PHF20: variants seen among roughly 807,000 people sequenced by gnomAD.
The protein encoded by PHF20 is PHD finger protein 20.
A neutral mutation model predicts 113.5 loss-of-function variants in PHF20; 23 were observed. The ratio of observed to expected loss-of-function variants is 0.20; its 90% CI spans 0.15 to 0.29. PHF20 has a LOEUF of 0.29. Ranked by LOEUF, PHF20 falls within the 10% of genes least tolerant of loss-of-function variation. The pLI, the probability that PHF20 is intolerant of heterozygous loss-of-function variation, is 1.00. For missense variants in PHF20, 943 were observed against 1,219.6 expected, an observed-to-expected ratio of 0.77 and a Z score of 3.38; for synonymous variants, 434 against 457.3, an observed-to-expected ratio of 0.95 and a Z score of 0.65.
At chr20:35,868,457 A>T (rs909796260) in intron 6 of PHF20, among the ~76,000 whole-genome samples, 17 of 148,426 alleles carry the variant, frequency 1.1e-4, no homozygotes, top group South Asian at 2.1e-4. Flanking sequence ...AAAAAAAAAA[A>T]ATTTTGCTAG....
intron 1 of PHF20, among the ~76,000 whole-genome samples, chr20:35,792,995 C>G (rs1232734119): frequency 2.0e-5 from 3 of 152,144 alleles, no homozygotes; most frequent in Admixed American, 6.6e-5. Context: ...TGCACCCATC[C>G]CTAGGCATTC....
chr20:35,832,792 G>C (rs1279418233), intron 2 of PHF20, among the ~76,000 whole-genome samples: 1 of 152,192 alleles, frequency 6.6e-6, no homozygotes, highest in Admixed American at 6.5e-5. Context: ...GCTCACGCCT[G>C]TATTCCCAGC....
Position 35,849,578 on chromosome 20 carries a change from A to G in PHF20, c.340+2144A>G, listed in dbSNP as rs149037429. 130 of 461,600 alleles carry G rather than the reference A, an allele frequency of 2.8e-4. 2 individuals are homozygous for G. The East Asian group carries it at 7.9e-3, about 28-fold the overall frequency. The allele number at this position is 461,600 out of a possible 1,614,324, so 28.6% of individuals were successfully genotyped here. A position where few individuals can be genotyped will look rare whatever the true frequency, so the allele number is the denominator to read the frequency against. On this transcript the variant is annotated intron_variant, in intron 4 of 17. Transcript: ENST00000374012. Reference sequence around the variant, plus strand: ...TTTCAAAAATGATTAGGTTTGGATTAGAGCTGATGGTCAGTTTGTGCTTCA... The same window carrying G: ...TTTCAAAAATGATTAGGTTTGGATTGGAGCTGATGGTCAGTTTGTGCTTCA...
At chr20:35,858,959 C>T (rs1169732159) in intron 5 of PHF20, among the ~76,000 whole-genome samples, 1 of 152,054 alleles carries the variant, frequency 6.6e-6, no homozygotes, top group Non-Finnish European at 1.5e-5. Context: ...AATCTTTTTT[C>T]AACAATGGTT....
Position 35,914,103 on chromosome 20 carries a change from C to T in PHF20, c.1731C>T (p.Thr577=), listed in dbSNP as rs1322840478. The part of the protein sequence containing the change: ...EPSPPKAFAV[T]RCGSSHKPGV... ...CTCCACCCAAGGCATTTGCTGTTAC[C>T]AGGTGTGGGTCCTCACACAAGCCAG... Residue 577 remains threonine, a synonymous_variant, in exon 12 of 18, where the codon ACC becomes ACT. Transcript: ENST00000374012. 3.1e-6 allele frequency: 5 copies of T among 1,614,042 alleles called. No homozygotes were observed. The highest frequency in any genetic ancestry group is 4.2e-6 in the Non-Finnish European group (5 of 1,180,022).
At chr20:35,860,124 C>T (rs1319494171) in intron 5 of PHF20, among the ~76,000 whole-genome samples, 1 of 152,058 alleles carries the variant, frequency 6.6e-6, no homozygotes, top group African/African-American at 2.4e-5. Flanking sequence ...ACCATGTTGG[C>T]CAGGGTGGTC....
At chr20:35,807,427 A>G (rs918630447) in intron 2 of PHF20, among the ~76,000 whole-genome samples, 7 of 145,012 alleles carry the variant, frequency 4.8e-5, no homozygotes, top group African/African-American at 1.8e-4. Context: ...ATTTGGGCTC[A>G]CTGCAACCTC....
intron 2 of PHF20, among the ~76,000 whole-genome samples, chr20:35,837,921 T>C (rs932623788): frequency 6.6e-6 from 1 of 152,212 alleles, no homozygotes; most frequent in African/African-American, 2.4e-5. Context: ...GTGACTTGCA[T>C]CTTTGTCACA....
chr20:35,814,872 C>CAAA (rs761940820), intron 2 of PHF20, among the ~76,000 whole-genome samples: 60 of 51,904 alleles, frequency 1.2e-3, no homozygotes, highest in Non-Finnish European at 1.4e-3. Flanking sequence ...GACTCCGTCT[C>CAAA]AAAAAAAAAA....
chr20:35,909,325 G>A (rs370074627), intron 10 of PHF20, among the ~76,000 whole-genome samples: 1 of 151,956 alleles, frequency 6.6e-6, no homozygotes, highest in East Asian at 2.0e-4. Context: ...GTGAGGGACA[G>A]GGGGTGTTAT....
intron 2 of PHF20, among the ~76,000 whole-genome samples, chr20:35,814,872 C>CAAAA (rs761940820): frequency 2.1e-4 from 11 of 52,170 alleles, no homozygotes; most frequent in Non-Finnish European, 2.9e-4. Flanking sequence ...GACTCCGTCT[C>CAAAA]AAAAAAAAAA....
Position 35,917,545 on chromosome 20 carries a change from C to T in PHF20, c.1887C>T (p.Gly629=). 1 of 1,613,884 alleles carries T rather than the reference C, an allele frequency of 6.2e-7. No homozygotes were observed. The highest frequency in any genetic ancestry group is 1.1e-5 in the South Asian group (1 of 91,040). Reference sequence around the variant, plus strand: ...TTCTCTGGAGTGATGATGAGTATGGCCAAGATGTGGATGTGACCACCAACC... The same window carrying T: ...TTCTCTGGAGTGATGATGAGTATGGTCAAGATGTGGATGTGACCACCAACC... The part of the protein sequence containing the change: ...ESFLWSDDEY[G]QDVDVTTNPD... Residue 629 remains glycine, a synonymous_variant, in exon 13 of 18, where the codon GGC becomes GGT. Coordinates refer to ENST00000374012, the MANE Select transcript of PHF20 (RefSeq NM_016436.5).
At chr20:35,908,867 G>A (rs1399389458) in intron 10 of PHF20, among the ~76,000 whole-genome samples, 1 of 152,164 alleles carries the variant, frequency 6.6e-6, no homozygotes, top group African/African-American at 2.4e-5. Context: ...GCAATAGATT[G>A]TTGTATATTA....
At chr20:35,883,148 G>A (rs898264632) in intron 9 of PHF20, among the ~76,000 whole-genome samples, 7 of 152,046 alleles carry the variant, frequency 4.6e-5, no homozygotes, top group East Asian at 1.9e-4. Context: ...CCAGGCATTC[G>A]GTGTTGCAGT....
intron 1 of PHF20, chr20:35,774,469 T>C (rs1220854370): frequency 6.6e-6 from 1 of 152,174 alleles, no homozygotes; most frequent in Admixed American, 6.6e-5. Context: ...TTCTTTTGTG[T>C]TTCCTTCTGC....
chr20:35,921,404 T>A (rs1254448363), intron 13 of PHF20, among the ~76,000 whole-genome samples: 1 of 151,876 alleles, frequency 6.6e-6, no homozygotes, highest in Non-Finnish European at 1.5e-5. Flanking sequence ...TACTATTAGA[T>A]AATTGTTGGT....
intron 1 of PHF20, among the ~76,000 whole-genome samples, chr20:35,791,442 TATC>T (rs975273961): frequency 1.8e-3 from 3 of 1,642 alleles, no homozygotes; most frequent in African/African-American, 4.8e-3. Flanking sequence ...ACCAGAATAG[TATC>T]TATCTATCTA....
At chr20:35,933,930 G>A (rs1196927921) in intron 15 of PHF20, among the ~76,000 whole-genome samples, 2 of 152,236 alleles carry the variant, frequency 1.3e-5, no homozygotes, top group Non-Finnish European at 2.9e-5. Flanking sequence ...GGTGGAGCCT[G>A]GACTAGAATC....
chr20:35,794,670 C>G (rs568189620), intron 1 of PHF20, among the ~76,000 whole-genome samples: 32 of 152,144 alleles, frequency 2.1e-4, no homozygotes, highest in African/African-American at 5.8e-4. Flanking sequence ...CTTTTTTCCT[C>G]GAAAGTTCCA....
Sources: gnomAD v4.1 joint callset for allele counts (sites outside exome capture counted in the v4.1 genomes callset) on GRCh38, gnomAD v4.1.1 for gene constraint, MANE v1.5 for transcripts, NCBI Gene and HGNC (gene_info 2026-07-23, HGNC 2026-07-21) for gene names.